The following PRRG1 variants were observed in gnomAD, a reference collection of about 807,000 sequenced individuals.
PRRG1 encodes the protein transmembrane gamma-carboxyglutamic acid protein 1.
Under a neutral mutation model 11.8 loss-of-function variants are expected in PRRG1, and 5 were observed. The ratio of observed to expected loss-of-function variants is 0.42; its 90% CI spans 0.22 to 0.89. PRRG1 has a LOEUF of 0.89. PRRG1 is among the 40% of genes least tolerant of loss of function. PRRG1 has a pLI of 0.28. For synonymous variants in PRRG1, 66 were observed against 60.4 expected, an observed-to-expected ratio of 1.09 and a Z score of -0.43; for missense variants, 155 against 166.1, an observed-to-expected ratio of 0.93 and a Z score of 0.37.
At chrX:37,424,399 A>G (rs782625783) in intron 2 of PRRG1, among the ~76,000 whole-genome samples, 1 of 111,190 alleles carries the variant, frequency 9.0e-6, no homozygotes, top group Admixed American at 9.5e-5. Context: ...GGGGCCCAGC[A>G]GTCTGTGTGA....
At chrX:37,369,176 T>A (rs1312308953) in intron 1 of PRRG1, among the ~76,000 whole-genome samples, 1 of 112,525 alleles carries the variant, frequency 8.9e-6, no homozygotes, top group East Asian at 2.8e-4. Context: ...TCATTTCTCT[T>A]CTATGTAAAT....
At chrX:37,395,322 A>C (rs1162488062) in intron 1 of PRRG1, among the ~76,000 whole-genome samples, 2 of 111,778 alleles carry the variant, frequency 1.8e-5, no homozygotes, top group Admixed American at 1.9e-4. Flanking sequence ...CTATTAAGAT[A>C]AGTATATCAA....
chrX:37,415,730 C>G (rs1269166499), intron 2 of PRRG1, among the ~76,000 whole-genome samples: 1 of 111,786 alleles, frequency 8.9e-6, no homozygotes, highest in Non-Finnish European at 1.9e-5. Context: ...AACAAGATGG[C>G]ACAGTTCTGC....
intron 1 of PRRG1, among the ~76,000 whole-genome samples, chrX:37,361,663 G>A: frequency 9.0e-6 from 1 of 111,725 alleles, no homozygotes; most frequent in Admixed American, 9.5e-5. Flanking sequence ...TCTGAGATGT[G>A]TGTTGTTTTC....
At position 37,406,952 on chromosome X, in the gene PRRG1, G is replaced by A. The variant is rs142219221; in HGVS notation, c.10+693G>A. ...TTATTTGAGTGCAAAGGTTGAGGAC[G>A]GACTCCAAAGAATGGAAATCACTGT... On this transcript the variant is annotated intron_variant, in intron 2 of 3. Coordinates refer to ENST00000378628, the MANE Select transcript of PRRG1 (RefSeq NM_001142395.2). 9.6e-3 allele frequency among the ~76,000 whole-genome samples: 1,079 copies of A among 111,893 alleles called. 13 individuals carry two copies. Among genetic ancestry groups the A allele is most frequent in the African/African-American group, 0.033 (1,019 of 30,841 alleles).
chrX:37,447,857 T>C (rs533067251), intron 3 of PRRG1, among the ~76,000 whole-genome samples: 6 of 112,558 alleles, frequency 5.3e-5, no homozygotes, highest in African/African-American at 1.9e-4. Flanking sequence ...TTTTGTTTTA[T>C]GGAGAAGTAT....
chrX:37,429,068 C>T (rs1932800932), intron 3 of PRRG1, among the ~76,000 whole-genome samples: 1 of 112,260 alleles, frequency 8.9e-6, no homozygotes, highest in Non-Finnish European at 1.9e-5. Context: ...CTGCACACAG[C>T]ATGGGGACCC....
chrX:37,358,196 G>T (rs1270568702), intron 1 of PRRG1, among the ~76,000 whole-genome samples: 1 of 111,162 alleles, frequency 9.0e-6, no homozygotes, highest in East Asian at 2.8e-4. Context: ...CTCACAGTCT[G>T]TGGCTTGACT....
At chrX:37,430,256 G>C (rs184313763) in intron 3 of PRRG1, among the ~76,000 whole-genome samples, 11 of 89,806 alleles carry the variant, frequency 1.2e-4, no homozygotes, top group African/African-American at 7.4e-4. Context: ...AATAGAGCTA[G>C]GAAAAAAAAA....
At chrX:37,387,635 G>A (rs1043437752) in intron 1 of PRRG1, among the ~76,000 whole-genome samples, 2 of 111,219 alleles carry the variant, frequency 1.8e-5, no homozygotes, top group East Asian at 2.8e-4. Flanking sequence ...GTGCTAAACC[G>A]TTCATGAGAA....
chrX:37,404,272 C>A (rs782775054), intron 1 of PRRG1, among the ~76,000 whole-genome samples: 1 of 112,056 alleles, frequency 8.9e-6, no homozygotes, highest in South Asian at 3.8e-4. Context: ...TTCTTTAAAT[C>A]CCAATTTAGC....
chrX:37,408,336 G>T (rs782053158), intron 2 of PRRG1, among the ~76,000 whole-genome samples: 5 of 112,197 alleles, frequency 4.5e-5, no homozygotes, highest in Non-Finnish European at 9.4e-5. Flanking sequence ...CCAGTTATAT[G>T]AGGAGGCTGG....
At chrX:37,439,614 G>A (rs1293621348) in intron 3 of PRRG1, among the ~76,000 whole-genome samples, 2 of 110,668 alleles carry the variant, frequency 1.8e-5, no homozygotes, top group Admixed American at 9.6e-5. Context: ...GGTTATGCCA[G>A]GGGCTTTACA....
rs782359652 is a variant in PRRG1 at position 37,392,318 on chromosome X, T to G, written c.-41-13891T>G. On this transcript the variant is annotated intron_variant, in intron 1 of 3. Transcript: ENST00000378628. ...CCCTCACAGCCTAAAATATTTATTCTCTAGCTTTTTACTGAAAAAGCCAAC... is the reference window on the plus strand; with the variant it reads ...CCCTCACAGCCTAAAATATTTATTCGCTAGCTTTTTACTGAAAAAGCCAAC... 4.5e-5 allele frequency among the ~76,000 whole-genome samples: 5 copies of G among 110,036 alleles called. No homozygotes were observed. In the East Asian group the frequency reaches 1.4e-3, roughly 31 times the overall value.
At chrX:37,350,370 G>C (rs1378100826) in intron 1 of PRRG1, among the ~76,000 whole-genome samples, 3 of 111,529 alleles carry the variant, frequency 2.7e-5, no homozygotes, top group African/African-American at 9.8e-5. Flanking sequence ...GTCTGTTGAT[G>C]GTCATACTAT....
chrX:37,362,969 C>A (rs1556368063), intron 1 of PRRG1, among the ~76,000 whole-genome samples: 2 of 111,711 alleles, frequency 1.8e-5, no homozygotes, highest in Non-Finnish European at 3.8e-5. Context: ...AGAAGATTGC[C>A]CAAATTATTT....
rs560130474 is a variant in PRRG1, at chrX:37,397,657, A to G, written c.-41-8552A>G. On this transcript the variant is annotated intron_variant, in intron 1 of 3. Coordinates refer to ENST00000378628, the MANE Select transcript of PRRG1 (RefSeq NM_001142395.2). ...AGGATGAATGGAATTTTTGTAGTAG[A>G]TAATACAGAGGAAAAGAGCAGAGGC... Among the ~76,000 whole-genome samples the G allele has an allele frequency of 7.1e-5, 8 of 111,979 alleles. No homozygotes were observed. The South Asian group carries it at 2.6e-3, about 37-fold the overall frequency.
intron 3 of PRRG1, among the ~76,000 whole-genome samples, chrX:37,450,166 CT>C (rs1921065280): frequency 8.9e-6 from 1 of 112,216 alleles, no homozygotes; most frequent in Admixed American, 9.4e-5. Context: ...TTCTGAATTA[CT>C]TATACATCAA....
At chrX:37,386,570 C>T (rs1319914598) in intron 1 of PRRG1, 1 of 111,995 alleles carries the variant, frequency 8.9e-6, no homozygotes, top group Non-Finnish European at 1.9e-5. Context: ...TCACACATAG[C>T]TCAACCTAAT....
Sources: allele counts gnomAD v4.1 joint callset (sites outside exome capture counted in the v4.1 genomes callset), GRCh38; gene constraint gnomAD v4.1.1; transcripts MANE v1.5; gene names NCBI Gene and HGNC (gene_info 2026-07-23, HGNC 2026-07-21).